IL20RA: variants seen among roughly 807,000 people sequenced by gnomAD.
The protein encoded by IL20RA is interleukin-20 receptor subunit alpha.
In IL20RA, 29 loss-of-function variants were observed where a neutral mutation model predicts 36.5. That is an observed-to-expected ratio of 0.79 (90% CI 0.59 to 1.08). IL20RA has a LOEUF of 1.08. IL20RA is among the 50% of genes least tolerant of loss of function. The pLI is 0.00. For synonymous variants in IL20RA, 279 were observed against 267.1 expected (o/e 1.04, Z -0.43); for missense variants, 652 against 668.4 (o/e 0.98, Z 0.27).
At chr6:137,008,540 C>T in intron 5 of IL20RA, 59 bp downstream of exon 5, 6 of 1,493,368 alleles carry the variant, frequency 4.0e-6, no homozygotes, top group Non-Finnish European at 5.4e-6. Flanking sequence ...AACCATCATA[C>T]CGACTTCTAG....
chr6:137,029,506 CTAAAATAAAA>C (rs145954642), intron 1 of IL20RA, among the ~76,000 whole-genome samples: 1 of 151,692 alleles, frequency 6.6e-6, no homozygotes, highest in African/African-American at 2.4e-5. Flanking sequence ...GACTGTGTCT[CTAAAATAAAA>C]TAAAATAAAA....
Position 137,002,122 on chromosome 6 carries a change from C to G in IL20RA, c.1098G>C (p.Leu366Phe), listed in dbSNP as rs1775086487. 2 of 1,614,192 alleles carry G rather than the reference C, an allele frequency of 1.2e-6. No homozygotes were observed. The highest frequency in any genetic ancestry group is 1.7e-6 in the Non-Finnish European group (2 of 1,180,032). ...CTTCAGAGTCACAAAAAATTTCCAT[C>G]AAATGCGAAGCATACCCTAAATGTT... is the stretch of plus-strand genomic sequence containing the variant. ...EVKHLGYASH[L>F]MEIFCDSEEN... Residue 366 changes from leucine to phenylalanine, a missense_variant, in exon 7 of 7, where the codon TTG becomes TTC. By Grantham distance (22) the Leu-to-Phe change is conservative. Transcript: ENST00000316649.
chr6:137,016,778 CCT>C (rs775603301), intron 2 of IL20RA, among the ~76,000 whole-genome samples, 188 bp downstream of exon 2: 1 of 152,138 alleles, frequency 6.6e-6, no homozygotes, highest in Non-Finnish European at 1.5e-5. Flanking sequence ...CCCCCCAATG[CCT>C]CTGTCTCCAT....
At chr6:137,030,011 A>AATAG (rs1330942469) in intron 1 of IL20RA, among the ~76,000 whole-genome samples, 3 of 151,156 alleles carry the variant, frequency 2.0e-5, no homozygotes, top group Non-Finnish European at 4.4e-5. Flanking sequence ...AAGGGAGGAA[A>AATAG]ATAGAGATTC....
chr6:137,044,750 T>C lies in IL20RA; in HGVS notation c.-22A>G. On this transcript the variant is annotated 5_prime_UTR_variant, in exon 1 of 7. The change abolishes an upstream ATG in the 5' untranslated region. Transcript: ENST00000316649. ...GCATGGGCGGCGGGGCTGGGTCACA[T>C]GTCGGGGGGCAGCAGACTGCTCAGT... 8.2e-7 allele frequency: 1 copy of C among 1,213,240 alleles called. No individual in the cohort carries two copies. Among genetic ancestry groups the C allele is most frequent in the Non-Finnish European group, 1.0e-6 (1 of 976,282 alleles). The allele number at this position is 1,213,240 out of a possible 1,614,324, so 75.2% of individuals were successfully genotyped here.
Position 137,001,696 on chromosome 6 carries a change from C to T in IL20RA, c.1524G>A (p.Glu508=). The change falls in exon 7 of 7, where the codon GAG becomes GAA. Residue 508 remains glutamate, a synonymous_variant. Coordinates refer to ENST00000316649, the MANE Select transcript of IL20RA (RefSeq NM_014432.4). ...GACCCTCCTCTCCGAGCCCATCCCC[C>T]TCAGAAGGCTCGCAGCCCTCTGAAT... ...DQDSEGCEPS[E]GDGLGEEGLL... is the part of the protein sequence containing the mutation. 6.2e-7 allele frequency: 1 copy of T among 1,614,152 alleles called. No homozygotes were observed. Among genetic ancestry groups the T allele is most frequent in the East Asian group, 2.2e-5 (1 of 44,886 alleles).
At chr6:137,032,052 C>CAAAAAAAAA (rs11379045) in intron 1 of IL20RA, among the ~76,000 whole-genome samples, 1 of 61,932 alleles carries the variant, frequency 1.6e-5, no homozygotes, top group African/African-American at 6.2e-5. Context: ...GATTCTGTCT[C>CAAAAAAAAA]AAAAAAAAAA....
chr6:137,044,555 G>A, intron 1 of IL20RA, 86 bp downstream of exon 1: 1 of 1,181,684 alleles, frequency 8.5e-7, no homozygotes, highest in Non-Finnish European at 1.1e-6. Context: ...GCGGGCAGGA[G>A]GGGAGAGCTC....
chr6:137,009,170 T>C, intron 4 of IL20RA, 147 bp downstream of exon 4: 2 of 732,030 alleles, frequency 2.7e-6, no homozygotes, highest in Admixed American at 4.0e-5. Flanking sequence ...AATTTCTGTA[T>C]ATAGAACTTT....
intron 1 of IL20RA, chr6:137,038,236 A>G: frequency 1.9e-5 from 1 of 53,182 alleles, no homozygotes; most frequent in African/African-American, 1.2e-4. Flanking sequence ...TTTTTTTGAG[A>G]CAGAGTCTTG....
intron 1 of IL20RA, among the ~76,000 whole-genome samples, chr6:137,020,253 A>G (rs550878090): frequency 6.6e-6 from 1 of 152,312 alleles, no homozygotes; most frequent in African/African-American, 2.4e-5. Flanking sequence ...CTCCGACCCC[A>G]GTCCAGCCTT....
intron 2 of IL20RA, among the ~76,000 whole-genome samples, chr6:137,013,464 T>A (rs1562233155): frequency 6.6e-6 from 1 of 152,212 alleles, no homozygotes; most frequent in African/African-American, 2.4e-5. Context: ...TTTATCTCAC[T>A]AATTATCATA....
At position 137,002,091 on chromosome 6, in the gene IL20RA, T is replaced by C; in HGVS notation, c.1129A>G (p.Thr377Ala). 6.2e-7 allele frequency: 1 copy of C among 1,614,202 alleles called. No homozygotes were observed. Among genetic ancestry groups the C allele is most frequent in the East Asian group, 2.2e-5 (1 of 44,878 alleles). ...TGCTGGGTGAGAGAAGTACCTTCCGTGTTTTCTTCAGAGTCACAAAAAATT... is the reference window on the plus strand; with the variant it reads ...TGCTGGGTGAGAGAAGTACCTTCCGCGTTTTCTTCAGAGTCACAAAAAATT... ...MEIFCDSEEN[T>A]EGTSLTQQES... Residue 377 changes from threonine (T) to alanine (A), a missense_variant, in exon 7 of 7, where the codon ACG becomes GCG. Transcript: ENST00000316649.
At chr6:137,040,773 G>A (rs1776665009) in intron 1 of IL20RA, among the ~76,000 whole-genome samples, 1 of 152,120 alleles carries the variant, frequency 6.6e-6, no homozygotes, top group African/African-American at 2.4e-5. Context: ...ATGAATAAAT[G>A]TGGAAAAAAA....
Position 137,016,966 on chromosome 6 carries a change from A to C in IL20RA, c.224+2T>G. Reference sequence around the variant, plus strand: ...TAGCCAAAAGGAAAAGAAGAAACTTACATGAAATACTGCACAGTGTAAGTA... The same window carrying C: ...TAGCCAAAAGGAAAAGAAGAAACTTCCATGAAATACTGCACAGTGTAAGTA... On this transcript the variant is annotated splice_donor_variant, in intron 2 of 6. Coordinates refer to ENST00000316649, the MANE Select transcript of IL20RA (RefSeq NM_014432.4). LOFTEE classifies it high-confidence loss of function. 6.2e-7 allele frequency: 1 copy of C among 1,612,822 alleles called. No homozygotes were observed. Among genetic ancestry groups the C allele is most frequent in the Non-Finnish European group, 8.5e-7 (1 of 1,179,440 alleles).
chr6:137,027,568 C>A (rs938850370), intron 1 of IL20RA, among the ~76,000 whole-genome samples: 10 of 152,198 alleles, frequency 6.6e-5, no homozygotes. Flanking sequence ...AGTTACTTAA[C>A]CTCTGTGCCT....
intron 1 of IL20RA, chr6:137,042,672 T>G (rs890219864): frequency 1.3e-5 from 2 of 150,284 alleles, no homozygotes; most frequent in Admixed American, 1.3e-4. Context: ...ACATGCTGAG[T>G]TTTTTTTTTC....
chr6:137,008,464 G>T, intron 5 of IL20RA, 135 bp downstream of exon 5: 1 of 842,252 alleles, frequency 1.2e-6, no homozygotes, highest in Non-Finnish European at 1.8e-6. Context: ...CATTTCTGGT[G>T]GTAGTTGTTT....
chr6:137,013,860 T>G (rs1251983874), intron 2 of IL20RA, among the ~76,000 whole-genome samples: 1 of 152,216 alleles, frequency 6.6e-6, no homozygotes, highest in Non-Finnish European at 1.5e-5. Context: ...TGTCCCTCTT[T>G]CACATGCACA....
Sources: allele counts gnomAD v4.1 joint callset (sites outside exome capture counted in the v4.1 genomes callset), GRCh38; gene constraint gnomAD v4.1.1; transcripts MANE v1.5; gene names NCBI Gene and HGNC (gene_info 2026-07-23, HGNC 2026-07-21).